The following TTC27 variants were observed in gnomAD, a reference collection of about 807,000 sequenced individuals.
The protein encoded by TTC27 is tetratricopeptide repeat protein 27.
In TTC27, 79 loss-of-function variants were observed where a neutral mutation model predicts 115.9. The ratio of observed to expected loss-of-function variants is 0.68; its 90% CI spans 0.57 to 0.82. The LOEUF is 0.82. Among genes scored for constraint, TTC27 ranks in the 40% least tolerant of loss-of-function variants. The probability of loss-of-function intolerance (pLI) is 0.00; values close to 1 mark genes in which losing one functional copy is unlikely to be tolerated. For synonymous variants in TTC27, 401 were observed against 356.0 expected (o/e 1.13, Z -1.42); for missense variants, 1,054 against 993.1 (o/e 1.06, Z -0.82).
intron 2 of TTC27, among the ~76,000 whole-genome samples, chr2:32,633,531 A>G (rs919284927): frequency 2.6e-5 from 4 of 151,930 alleles, no homozygotes; most frequent in Non-Finnish European, 5.9e-5. Context: ...CTCATGCATC[A>G]GCCTCTTGAG....
At chr2:32,782,096 C>G (rs1670197991) in intron 14 of TTC27, among the ~76,000 whole-genome samples, 1 of 151,962 alleles carries the variant, frequency 6.6e-6, no homozygotes, top group Non-Finnish European at 1.5e-5. Context: ...TAAATTTAAC[C>G]TGATTAAGCT....
In TTC27 at chr2:32,782,682, A is replaced by C; in HGVS notation, c.1832+4A>C. 1 of 1,606,850 alleles carries C rather than the reference A, an allele frequency of 6.2e-7. No individual in the cohort carries two copies. Among genetic ancestry groups the C allele is most frequent in the Non-Finnish European group, 8.5e-7 (1 of 1,175,110 alleles). On this transcript the variant is annotated splice_donor_region_variant and intron_variant, in intron 15 of 19. Transcript: ENST00000317907. ...CCTATATCCGATTAAAACAAAAGTA[A>C]GTACATCAGACAAATATGAAGAAAT...
At chr2:32,767,453 GTTTTTTTTTT>G (rs397754905) in intron 13 of TTC27, among the ~76,000 whole-genome samples, 1 of 114,228 alleles carries the variant, frequency 8.8e-6, no homozygotes, top group African/African-American at 3.4e-5. Flanking sequence ...GTTTTTTTTT[GTTTTTTTTTT>G]TTTTTTTGAG....
intron 16 of TTC27, among the ~76,000 whole-genome samples, chr2:32,805,520 G>T (rs1352520268): frequency 6.6e-6 from 1 of 152,178 alleles, no homozygotes; most frequent in Non-Finnish European, 1.5e-5. Context: ...AATGAAATCG[G>T]GTAGGTCACG....
intron 10 of TTC27, among the ~76,000 whole-genome samples, chr2:32,716,064 G>T (rs1308642955): frequency 1.3e-5 from 2 of 152,048 alleles, no homozygotes; most frequent in Non-Finnish European, 2.9e-5. Flanking sequence ...TTTTCCTCTT[G>T]CTTGCCTTTC....
At chr2:32,665,102 C>T (rs932552666) in intron 6 of TTC27, among the ~76,000 whole-genome samples, 1 of 152,074 alleles carries the variant, frequency 6.6e-6, no homozygotes, top group African/African-American at 2.4e-5. Context: ...CCGCCTTGGC[C>T]TCCCGAAGTG....
In TTC27 at chr2:32,628,087, G is replaced by GT; in HGVS notation, c.-201dup. The GT allele has an allele frequency of 1.8e-6, 1 of 555,096 alleles. No individual in the cohort carries two copies. Among genetic ancestry groups the GT allele is most frequent in the South Asian group, 2.1e-5 (1 of 47,878 alleles). 34.4% of individuals were successfully genotyped at this position (555,096 alleles called of 1,614,324 possible). ...GGAAGCCAGACCAGAGAGCGTGCGT[G>GT]TTTTTCCCAGGGTGCCCCGCGCTGC... On this transcript the variant is annotated 5_prime_UTR_variant, in exon 1 of 20. Coordinates refer to ENST00000317907, the MANE Select transcript of TTC27 (RefSeq NM_017735.5).
intron 10 of TTC27, among the ~76,000 whole-genome samples, chr2:32,720,323 CAATG>C (rs1255235240): frequency 2.0e-5 from 3 of 152,152 alleles, no homozygotes; most frequent in Non-Finnish European, 4.4e-5. Flanking sequence ...AATGAACACT[CAATG>C]GATGTTTGCT....
intron 16 of TTC27, among the ~76,000 whole-genome samples, chr2:32,793,815 A>G (rs950224100): frequency 3.3e-5 from 5 of 151,950 alleles, no homozygotes; most frequent in African/African-American, 9.7e-5. Flanking sequence ...GAGCCACCAT[A>G]CCCGGCCTGT....
intron 18 of TTC27, 64 bp from the exon 19 acceptor site, chr2:32,817,393 T>G: frequency 7.3e-7 from 1 of 1,371,100 alleles, no homozygotes; most frequent in Non-Finnish European, 1.0e-6. Flanking sequence ...ATAATTGGCT[T>G]TTGTACCTGT....
At position 32,798,713 on chromosome 2, in the gene TTC27, AAATAAT is replaced by A. The variant is rs200425222; in HGVS notation, c.1998+11585_1998+11590del. Among the ~76,000 whole-genome samples, 76 of 142,284 alleles carry A rather than the reference AAATAAT, an allele frequency of 5.3e-4. 2 individuals are homozygous for A. The highest frequency in any genetic ancestry group is 1.4e-3 in the East Asian group (7 of 4,936). The allele number at this position is 142,284 out of a possible 152,430, so 93.3% of individuals were successfully genotyped here. ...GAGCGAGACTCCAGCTCAAAAAAAA[AAATAAT>A]AATAATAATAATAATAATAAGTGTT... On this transcript the variant is annotated intron_variant, in intron 16 of 19. Coordinates refer to ENST00000317907, the MANE Select transcript of TTC27 (RefSeq NM_017735.5).
intron 16 of TTC27, among the ~76,000 whole-genome samples, chr2:32,787,641 C>T (rs1029685986): frequency 6.6e-6 from 1 of 152,064 alleles, no homozygotes; most frequent in South Asian, 2.1e-4. Context: ...GTTATCCCTC[C>T]AGAAAGTATG....
At chr2:32,780,607 T>G (rs1485259589) in intron 14 of TTC27, among the ~76,000 whole-genome samples, 1 of 151,898 alleles carries the variant, frequency 6.6e-6, no homozygotes, top group Non-Finnish European at 1.5e-5. Flanking sequence ...GCCTGACAAA[T>G]TTTTGTATTT....
At chr2:32,630,084 G>T (rs1440874137) in intron 1 of TTC27, among the ~76,000 whole-genome samples, 1 of 152,210 alleles carries the variant, frequency 6.6e-6, no homozygotes, top group African/African-American at 2.4e-5. Flanking sequence ...GCAGGAATAC[G>T]CATGGGACAT....
intron 10 of TTC27, among the ~76,000 whole-genome samples, chr2:32,712,016 T>C (rs1370877823): frequency 3.3e-5 from 5 of 152,118 alleles, no homozygotes; most frequent in South Asian, 4.1e-4. Context: ...TGTTCTATTA[T>C]GTGTTGAGGA....
In TTC27 at chr2:32,780,508, C is replaced by T. The variant is rs557444439; in HGVS notation, c.1780-2118C>T. Among the ~76,000 whole-genome samples the T allele has an allele frequency of 3.4e-4, 51 of 152,230 alleles. 1 individual carries two copies. The highest frequency in any genetic ancestry group is 2.9e-3 in the South Asian group (14 of 4,822). On this transcript the variant is annotated intron_variant, in intron 14 of 19. Transcript: ENST00000317907. ...AGGCTGAGGTGCAGTGGTGCAATCT[C>T]GGCCTACGGCAACCTCCGCCTCCCA...
intron 13 of TTC27, among the ~76,000 whole-genome samples, chr2:32,777,460 A>C (rs1299291551): frequency 2.0e-5 from 3 of 152,256 alleles, no homozygotes; most frequent in African/African-American, 7.2e-5. Flanking sequence ...TACCTAACAC[A>C]GTGCAAATGC....
intron 12 of TTC27, among the ~76,000 whole-genome samples, chr2:32,742,684 G>A (rs775395022): frequency 2.6e-5 from 4 of 152,158 alleles, no homozygotes; most frequent in Non-Finnish European, 4.4e-5. Context: ...AGAGGGAAAC[G>A]TGCTTTGGAG....
intron 16 of TTC27, among the ~76,000 whole-genome samples, chr2:32,788,816 C>T (rs1181958467): frequency 1.3e-5 from 2 of 152,164 alleles, no homozygotes; most frequent in Non-Finnish European, 2.9e-5. Context: ...AAGAGACAGA[C>T]TTATTACATG....
Sources: gnomAD v4.1 joint callset for allele counts (sites outside exome capture counted in the v4.1 genomes callset) on GRCh38, gnomAD v4.1.1 for gene constraint, MANE v1.5 for transcripts, NCBI Gene and HGNC (gene_info 2026-07-23, HGNC 2026-07-21) for gene names.